ROBO3: variants seen among roughly 807,000 people sequenced by gnomAD.
ROBO3 encodes roundabout guidance receptor 3, also known as roundabout homolog 3.
A neutral mutation model predicts 160.5 loss-of-function variants in ROBO3; 97 were observed. That is an observed-to-expected ratio of 0.60 (90% CI 0.51 to 0.72). The LOEUF is 0.72. Ranked by LOEUF, ROBO3 falls within the 30% of genes least tolerant of loss-of-function variation. The pLI is 0.00. For missense variants in ROBO3, 1,858 were observed against 1,846.5 expected (o/e 1.01, Z -0.11); for synonymous variants, 780 against 746.2 (o/e 1.05, Z -0.74).
chr11:124,869,087 T>C lies in ROBO3; in HGVS notation c.446T>C (p.Leu149Pro), dbSNP rs1482013134. 2 of 1,590,704 alleles carry C rather than the reference T, an allele frequency of 1.3e-6. No homozygotes were observed. Among genetic ancestry groups the C allele is most frequent in the East Asian group, 2.3e-5 (1 of 44,204 alleles). The change falls in exon 2 of 28, where the codon CTG (leucine) becomes CCG (proline). Residue 149 changes from leucine (L) to proline (P), a missense_variant. By Grantham distance (98) the Leu-to-Pro change is moderately conservative. Transcript: ENST00000397801. The surrounding 1 kb of genome is among the most constrained non-coding windows in gnomAD (Gnocchi z 4.2). ...GVYTCVARNY[L>P]GAAASRNASL... ...TACACTTGCGTGGCTCGCAACTACC[T>C]GGGGGCAGCAGCGAGCAGAAACGCC... is the stretch of plus-strand genomic sequence containing the variant.
chr11:124,878,070 C>T lies in ROBO3; in HGVS notation c.3120C>T (p.Pro1040=). 1.2e-6 allele frequency: 2 copies of T among 1,612,630 alleles called. No individual in the cohort carries two copies. Among genetic ancestry groups the T allele is most frequent in the Non-Finnish European group, 1.7e-6 (2 of 1,179,474 alleles). Residue 1040 remains proline (P), a synonymous_variant, in exon 21 of 28, where the codon CCC becomes CCT. Transcript: ENST00000397801. The surrounding 1 kb of genome is among the most constrained non-coding windows in gnomAD (Gnocchi z 4.3). ...QTFHGGFPQH[P]SGDLGPWSQY... ...TCCATGGGGGCTTCCCCCAACATCC[C>T]TCAGGAGATCTGGGTCCCTGGAGCC...
At position 124,871,036 on chromosome 11, in the gene ROBO3, G is replaced by A. The variant is rs1478431520; in HGVS notation, c.1056G>A (p.Gln352=). The change falls in exon 7 of 28, where the codon CAG becomes CAA. Residue 352 remains glutamine, a synonymous_variant. Coordinates refer to ENST00000397801, the MANE Select transcript of ROBO3 (RefSeq NM_022370.4). ...CAGTCCCACCCCAGTTGGTGACCCA[G>A]CCCCAGGACCAGATGGCAGCTCCTG... The part of the protein sequence containing the change: ...SVHVPPQLVT[Q]PQDQMAAPGE... 1.2e-6 allele frequency: 2 copies of A among 1,608,528 alleles called. No individual in the cohort carries two copies. Among genetic ancestry groups the A allele is most frequent in the African/African-American group, 2.7e-5 (2 of 74,816 alleles).
Position 124,872,306 on chromosome 11 carries a change from A to T in ROBO3, c.1159-75A>T. On this transcript the variant is annotated intron_variant, in intron 7 of 27. Transcript: ENST00000397801. This position sits in a 1 kb window ranked among gnomAD's most constrained non-coding sequence, Gnocchi z 4.3. ...TCATAGGAATTCTCTGAATTTTGAG[A>T]TTGACAGGAATGGGGACCTCTCCCT... 1 of 1,321,432 alleles carries T rather than the reference A, an allele frequency of 7.6e-7. No individual in the cohort carries two copies. Among genetic ancestry groups the T allele is most frequent in the South Asian group, 1.2e-5 (1 of 84,712 alleles). 81.9% of individuals were successfully genotyped at this position (1,321,432 alleles called of 1,614,324 possible).
At chr11:124,874,274 T>C (rs1282219057) in intron 12 of ROBO3, 38 bp downstream of exon 12, 1 of 1,576,616 alleles carries the variant, frequency 6.3e-7, no homozygotes, top group African/African-American at 1.4e-5. Flanking sequence ...GCATGAAATG[T>C]AACATCATAA....
At position 124,869,862 on chromosome 11, in the gene ROBO3, T is replaced by C; in HGVS notation, c.646-86T>C. 1 of 1,481,286 alleles carries C rather than the reference T, an allele frequency of 6.8e-7. No individual in the cohort carries two copies. The highest frequency in any genetic ancestry group is 9.2e-7 in the Non-Finnish European group (1 of 1,084,704). 91.8% of individuals were successfully genotyped at this position (1,481,286 alleles called of 1,614,324 possible). A position where few individuals can be genotyped will look rare whatever the true frequency, so the allele number is the denominator to read the frequency against. On this transcript the variant is annotated intron_variant, in intron 3 of 27. Coordinates refer to ENST00000397801, the MANE Select transcript of ROBO3 (RefSeq NM_022370.4). The surrounding 1 kb of genome is among the most constrained non-coding windows in gnomAD (Gnocchi z 4.2). ...TGCTGTGAGGATCAAATAAACTTTA[T>C]ACATATGTATATACACATATATTCA...
chr11:124,872,333 C>A lies in ROBO3; in HGVS notation c.1159-48C>A, dbSNP rs772328127. 4 of 1,565,846 alleles carry A rather than the reference C, an allele frequency of 2.6e-6. No individual in the cohort carries two copies. In the South Asian group the frequency reaches 3.3e-5, roughly 13 times the overall value. On this transcript the variant is annotated intron_variant, in intron 7 of 27. Transcript: ENST00000397801. The surrounding 1 kb of genome is among the most constrained non-coding windows in gnomAD (Gnocchi z 4.3). ...TGACAGGAATGGGGACCTCTCCCTG[C>A]CCAGCTGCCTGCTCATTCCCTACCC...
chr11:124,877,989 TGGC>T lies in ROBO3; in HGVS notation c.3041_3043del (p.Gly1014del), dbSNP rs1258630228. 6.2e-7 allele frequency: 1 copy of T among 1,611,054 alleles called. No individual in the cohort carries two copies. The highest frequency in any genetic ancestry group is 2.2e-5 in the East Asian group (1 of 44,822). ...AGACGGCCAGGGGCACGGCCGCCCC[TGGC>T]GAGGGTCCTGTCTATAGCACCATTG... On this transcript the variant is annotated inframe_deletion, in exon 21 of 28. Transcript: ENST00000397801.
chr11:124,873,052 C>T lies in ROBO3; in HGVS notation c.1499C>T (p.Thr500Ile), dbSNP rs768251250. The T allele has an allele frequency of 6.2e-7, 1 of 1,613,830 alleles. No homozygotes were observed. Among genetic ancestry groups the T allele is most frequent in the African/African-American group, 1.3e-5 (1 of 74,926 alleles). Residue 500 changes from threonine to isoleucine, a missense_variant, in exon 9 of 28, where the codon ACA becomes ATA. Thr to Ile is a moderately conservative substitution (Grantham distance 89). Coordinates refer to ENST00000397801, the MANE Select transcript of ROBO3 (RefSeq NM_022370.4). The surrounding 1 kb of genome is among the most constrained non-coding windows in gnomAD (Gnocchi z 4.5). ...CAGGGGGATGACCTCCAGTTCAAGA[C>T]AATGGCCAACGGTACCCTGTACATC... ...WLQGDDLQFK[T>I]MANGTLYIAN...
Position 124,873,740 on chromosome 11 carries a change from C to T in ROBO3, c.1662C>T (p.Ser554=). Residue 554 remains serine, a synonymous_variant, in exon 11 of 28, where the codon TCC becomes TCT. Coordinates refer to ENST00000397801, the MANE Select transcript of ROBO3 (RefSeq NM_022370.4). The surrounding 1 kb of genome is among the most constrained non-coding windows in gnomAD (Gnocchi z 4.5). ...VSPDPPTEPS[S]PPGAPSQPVV... is the part of the protein sequence containing the mutation. Reference sequence around the variant, plus strand: ...CAGACCCCCCTACAGAACCCAGTTCCCCTCCGGGGGCTCCCTCTCAGCCAG... The same window carrying T: ...CAGACCCCCCTACAGAACCCAGTTCTCCTCCGGGGGCTCCCTCTCAGCCAG... 6.2e-7 allele frequency: 1 copy of T among 1,613,904 alleles called. No homozygotes were observed. The highest frequency in any genetic ancestry group is 2.2e-5 in the East Asian group (1 of 44,872).
chr11:124,875,612 G>C lies in ROBO3; in HGVS notation c.2348G>C (p.Gly783Ala). 11 of 1,611,500 alleles carry C rather than the reference G, an allele frequency of 6.8e-6. No individual in the cohort carries two copies. Among genetic ancestry groups the C allele is most frequent in the Non-Finnish European group, 9.3e-6 (11 of 1,179,038 alleles). ...GTGGCGGTGGCCTTGGGGGGTGATG[G>C]CAACAGCAGTATCACTGTGTCCTGG... ...QGVAVALGGD[G>A]NSSITVSWEP... is the part of the protein sequence containing the mutation. The change falls in exon 15 of 28, where the codon GGC (glycine) becomes GCC (alanine). Residue 783 changes from glycine to alanine, a missense_variant. Transcript: ENST00000397801.
Position 124,878,563 on chromosome 11 carries a change from C to G in ROBO3, c.3321-21C>G, listed in dbSNP as rs747324783. 1 of 1,607,632 alleles carries G rather than the reference C, an allele frequency of 6.2e-7. No individual in the cohort carries two copies. The highest frequency in any genetic ancestry group is 1.1e-5 in the South Asian group (1 of 90,124). On this transcript the variant is annotated intron_variant, in intron 22 of 27. Transcript: ENST00000397801. The surrounding 1 kb of genome is among the most constrained non-coding windows in gnomAD (Gnocchi z 4.3). The stretch of plus-strand genomic sequence containing the variant: ...GGAAGCAGCTGAGCCCTTTCCTTCT[C>G]TCCTGCCTCTTTGATCCCAGCTCAG...
chr11:124,879,460 T>A lies in ROBO3; in HGVS notation c.3686-5T>A. The A allele has an allele frequency of 1.2e-6, 2 of 1,613,468 alleles. No individual in the cohort carries two copies. Among genetic ancestry groups the A allele is most frequent in the Non-Finnish European group, 1.7e-6 (2 of 1,179,546 alleles). ...CATTCCTCTTCCCGTCTCCTAACACTGCAGGCAGAACCTGGCAGGGGAATG... is the reference window on the plus strand; with the variant it reads ...CATTCCTCTTCCCGTCTCCTAACACAGCAGGCAGAACCTGGCAGGGGAATG... On this transcript the variant is annotated splice_polypyrimidine_tract_variant and splice_region_variant and intron_variant, in intron 24 of 27. Transcript: ENST00000397801.
At position 124,872,455 on chromosome 11, in the gene ROBO3, C is replaced by T. The variant is rs2135328793; in HGVS notation, c.1233C>T (p.Ile411=). 1 of 1,613,988 alleles carries T rather than the reference C, an allele frequency of 6.2e-7. No homozygotes were observed. Among genetic ancestry groups the T allele is most frequent in the African/African-American group, 1.3e-5 (1 of 75,046 alleles). ...TGTCTCCAAGAGGCCAACTTAACATCACCGCGGTGCAGCGTGGGGATGCTG... is the reference window on the plus strand; with the variant it reads ...TGTCTCCAAGAGGCCAACTTAACATTACCGCGGTGCAGCGTGGGGATGCTG... ...FSVSPRGQLN[I]TAVQRGDAGY... The change falls in exon 8 of 28, where the codon ATC becomes ATT. Residue 411 remains isoleucine (I), a synonymous_variant. Transcript: ENST00000397801. The surrounding 1 kb of genome is among the most constrained non-coding windows in gnomAD (Gnocchi z 4.3).
chr11:124,869,441 C>CCCCCCCCCG lies in ROBO3; in HGVS notation c.488-7_488-6insCCCCCCGCC. ...CCCTGCTTATTTCGCCCCCCACCGCCCCGCCCAGTCCTCCGTGATGATTTC... is the reference window on the plus strand; with the variant it reads ...CCCTGCTTATTTCGCCCCCCACCGCCCCCCCCCCGCCGCCCAGTCCTCCGTGATGATTTC... On this transcript the variant is annotated splice_polypyrimidine_tract_variant and intron_variant, in intron 2 of 27. Coordinates refer to ENST00000397801, the MANE Select transcript of ROBO3 (RefSeq NM_022370.4). This position sits in a 1 kb window ranked among gnomAD's most constrained non-coding sequence, Gnocchi z 4.2. 1 of 1,482,032 alleles carries CCCCCCCCCG rather than the reference C, an allele frequency of 6.7e-7. No homozygotes were observed. Among genetic ancestry groups the CCCCCCCCCG allele is most frequent in the Non-Finnish European group, 9.2e-7 (1 of 1,085,136 alleles). 91.8% of individuals were successfully genotyped at this position (1,482,032 alleles called of 1,614,324 possible).
rs757635838 is a variant in ROBO3 at position 124,870,216 on chromosome 11, C to A, written c.818C>A (p.Ala273Asp). 6.2e-7 allele frequency: 1 copy of A among 1,614,076 alleles called. No homozygotes were observed. The change falls in exon 5 of 28, where the codon GCC becomes GAC. Residue 273 changes from alanine (A) to aspartate (D), a missense_variant. Physicochemically the swap from Ala to Asp is moderately radical, Grantham distance 126. Coordinates refer to ENST00000397801, the MANE Select transcript of ROBO3 (RefSeq NM_022370.4). ...GTGAATCAGGTGGTCCTGGCTGATG[C>A]CCCTGTGACTTTCCTATGTGAGGTG... The part of the protein sequence containing the change: ...RPVNQVVLAD[A>D]PVTFLCEVKG...
rs1946412494 is a variant in ROBO3 at position 124,877,373 on chromosome 11, G to A, written c.2846+64G>A. ...CGACAGGCCACTCTTCTTCCGCCCC[G>A]CTGACGCCCCAGGTGGAGGGAGCAT... On this transcript the variant is annotated intron_variant, in intron 19 of 27. Transcript: ENST00000397801. 16 of 1,603,566 alleles carry A rather than the reference G, an allele frequency of 1.0e-5. No homozygotes were observed. The South Asian group carries it at 1.7e-4, about 17-fold the overall frequency.
At chr11:124,870,106 G>A (rs1565309644) in intron 4 of ROBO3, 38 bp downstream of exon 4, 2 of 1,613,990 alleles carry the variant, frequency 1.2e-6, no homozygotes, top group Non-Finnish European at 1.7e-6. Context: ...GGAACAGGTA[G>A]CCTGCAGAGT....
In ROBO3 at chr11:124,869,253, C is replaced by G; in HGVS notation, c.487+125C>G. ...CCCACTCAGCATCCTTCTTTGGGAC[C>G]GCGACCTTTGATCTCTAATGGCCAC... On this transcript the variant is annotated intron_variant, in intron 2 of 27. Transcript: ENST00000397801. The surrounding 1 kb of genome is among the most constrained non-coding windows in gnomAD (Gnocchi z 4.2). 1 of 1,192,248 alleles carries G rather than the reference C, an allele frequency of 8.4e-7. No individual in the cohort carries two copies. Among genetic ancestry groups the G allele is most frequent in the Admixed American group, 2.0e-5 (1 of 49,206 alleles). The allele number at this position is 1,192,248 out of a possible 1,614,324, so 73.9% of individuals were successfully genotyped here.
chr11:124,868,897 C>A lies in ROBO3; in HGVS notation c.256C>A (p.Arg86Ser), dbSNP rs1946240291. The change falls in exon 2 of 28, where the codon CGC (arginine) becomes AGC (serine). Residue 86 changes from arginine to serine, a missense_variant. Coordinates refer to ENST00000397801, the MANE Select transcript of ROBO3 (RefSeq NM_022370.4). The stretch of plus-strand genomic sequence containing the variant: ...AGGCGAGCCCGCCACGTTGCCCTGC[C>A]GCGCTGAAGGCCGACCCCGACCCAA... ...SRGEPATLPCRAEGRPRPNIE... is the reference protein window; with the variant it reads ...SRGEPATLPCSAEGRPRPNIE... 3 of 1,608,154 alleles carry A rather than the reference C, an allele frequency of 1.9e-6. No individual in the cohort carries two copies. Among genetic ancestry groups the A allele is most frequent in the Non-Finnish European group, 2.5e-6 (3 of 1,177,920 alleles).
Sources: gnomAD v4.1 joint callset for allele counts on GRCh38, gnomAD v4.1.1 for gene constraint, Gnocchi (gnomAD v3.1) non-coding constraint, MANE v1.5 for transcripts, NCBI Gene and HGNC (gene_info 2026-07-23, HGNC 2026-07-21) for gene names.